MROH1: variants seen among roughly 807,000 people sequenced by gnomAD.
MROH1 encodes maestro heat-like repeat-containing protein family member 1.
In MROH1, 117 loss-of-function variants were observed where a neutral mutation model predicts 116.5. The observed-to-expected ratio is 1.00, with a 90% CI of 0.86 to 1.17. MROH1 has a LOEUF of 1.17. MROH1 is among the 50% of genes most tolerant of loss of function. The pLI, the probability that MROH1 is intolerant of heterozygous loss-of-function variation, is 0.00. For missense variants in MROH1, 1,873 were observed against 1,338.5 expected, an observed-to-expected ratio of 1.40 and a Z score of -6.23; for synonymous variants, 921 against 583.9, an observed-to-expected ratio of 1.58 and a Z score of -8.32.
intron 21 of MROH1, 37 bp downstream of exon 21, chr8:144,241,148 C>T: frequency 2.8e-6 from 2 of 727,088 alleles, no homozygotes; most frequent in Non-Finnish European, 5.1e-6. Context: ...CCAGACACCC[C>T]AGGGCTGGAG....
At chr8:144,253,016 T>C (rs1176490389) in intron 33 of MROH1, among the ~76,000 whole-genome samples, 3 of 149,310 alleles carry the variant, frequency 2.0e-5, no homozygotes, top group African/African-American at 7.4e-5. Flanking sequence ...TAGCTAGGCG[T>C]GGCAGCACGT....
intron 12 of MROH1, chr8:144,214,367 C>T (rs1834818174): frequency 6.6e-6 from 1 of 152,222 alleles, no homozygotes; most frequent in African/African-American, 2.4e-5. Context: ...ATTTACTGTC[C>T]AGTTGTCTTT....
chr8:144,258,782 C>T lies in MROH1; in HGVS notation c.3797C>T (p.Ala1266Val). Residue 1266 changes from alanine to valine, a missense_variant, in exon 36 of 44, where the codon GCA becomes GTA. By Grantham distance (64) the Ala-to-Val change is moderately conservative. Transcript: ENST00000326134. ...GCACCCTGGCAATCCTGCAGCTCTG[C>T]AGTGGACACCCTGCGGTCCATGCTA... is the stretch of plus-strand genomic sequence containing the variant. ...ATRNLEPCSS[A>V]VDTLRSMLLR... is the part of the protein sequence containing the mutation. The T allele has an allele frequency of 1.3e-6, 1 of 767,536 alleles. No homozygotes were observed. The highest frequency in any genetic ancestry group is 1.7e-5 in the Admixed American group (1 of 57,814). 47.5% of individuals were successfully genotyped at this position (767,536 alleles called of 1,614,324 possible). A position where few individuals can be genotyped will look rare whatever the true frequency, so the allele number is the denominator to read the frequency against.
rs1838371293 is a variant in MROH1, at chr8:144,229,252, C to T, written c.1338+6022C>T. On this transcript the variant is annotated intron_variant, in intron 14 of 43. Transcript: ENST00000326134. ...CATGTTGATTTTGTTGACCTCTTCCCATGAATCACAAATGCTCTTCATGGT... is the reference window on the plus strand; with the variant it reads ...CATGTTGATTTTGTTGACCTCTTCCTATGAATCACAAATGCTCTTCATGGT... Among the ~76,000 whole-genome samples the T allele has an allele frequency of 2.0e-5, 3 of 152,186 alleles. No homozygotes were observed. The South Asian group carries it at 6.2e-4, about 32-fold the overall frequency.
In MROH1 at chr8:144,247,427, G is replaced by A. The variant is rs950357991; in HGVS notation, c.2998G>A (p.Gly1000Ser). The A allele has an allele frequency of 2.1e-5, 16 of 770,856 alleles. No homozygotes were observed. The highest frequency in any genetic ancestry group is 3.4e-5 in the African/African-American group (2 of 59,048). 47.8% of individuals were successfully genotyped at this position (770,856 alleles called of 1,614,324 possible). Residue 1000 changes from glycine to serine, a missense_variant, in exon 30 of 44, where the codon GGC becomes AGC. Gly to Ser is a moderately conservative substitution (Grantham distance 56). Coordinates refer to ENST00000326134, the MANE Select transcript of MROH1 (RefSeq NM_032450.3). ...CTACTCCCTGCTGTACCTCCAGCTCGGCTATGAGGGTGAGCCCTCGTCAGG... is the reference window on the plus strand; with the variant it reads ...CTACTCCCTGCTGTACCTCCAGCTCAGCTATGAGGGTGAGCCCTCGTCAGG... ...CVYSLLYLQL[G>S]YEGFSRDYRD...
chr8:144,243,527 G>C lies in MROH1; in HGVS notation c.2386G>C (p.Val796Leu). The C allele has an allele frequency of 1.3e-6, 1 of 780,150 alleles. No homozygotes were observed. The allele number at this position is 780,150 out of a possible 1,614,324, so 48.3% of individuals were successfully genotyped here. A position where few individuals can be genotyped will look rare whatever the true frequency, so the allele number is the denominator to read the frequency against. Reference sequence around the variant, plus strand: ...CCTGAAGCTGTGCCTTGTCCAGAGTGTGTGCATGGTCAGCCGCGCCATCTG... The same window carrying C: ...CCTGAAGCTGTGCCTTGTCCAGAGTCTGTGCATGGTCAGCCGCGCCATCTG... The part of the protein sequence containing the change: ...PALKLCLVQS[V>L]CMVSRAICSS... The change falls in exon 25 of 44, where the codon GTG (valine) becomes CTG (leucine). Residue 796 changes from valine to leucine, a missense_variant. Physicochemically the swap from Val to Leu is conservative, Grantham distance 32 (BLOSUM62 1). Transcript: ENST00000326134.
chr8:144,182,647 G>A lies in MROH1; in HGVS notation c.562+2124G>A, dbSNP rs1258929023. Among the ~76,000 whole-genome samples the A allele has an allele frequency of 6.6e-6, 1 of 152,018 alleles. No individual in the cohort carries two copies. The highest frequency in any genetic ancestry group is 1.5e-5 in the Non-Finnish European group (1 of 68,022). The stretch of plus-strand genomic sequence containing the variant: ...GTTGTGGAAATTTCCAGAAAATAGA[G>A]GAAAAAGGCAAAAATATGGAAAGTA... On this transcript the variant is annotated intron_variant, in intron 7 of 43. Transcript: ENST00000326134. This position sits in a 1 kb window ranked among gnomAD's most constrained non-coding sequence, Gnocchi z 4.1.
At chr8:144,227,713 G>C (rs1457012123) in intron 14 of MROH1, among the ~76,000 whole-genome samples, 1 of 152,108 alleles carries the variant, frequency 6.6e-6, no homozygotes, top group East Asian at 1.9e-4. Flanking sequence ...ACTTTGGGAG[G>C]CCAAGGCAGG....
chr8:144,162,255 CTGTA>C (rs530641310), intron 2 of MROH1, among the ~76,000 whole-genome samples: 70 of 149,690 alleles, frequency 4.7e-4, no homozygotes, highest in African/African-American at 1.5e-3. Context: ...CAGCTAATTT[CTGTA>C]TTTTTTTAGT....
rs1706041630 is a variant in MROH1 at position 144,248,981 on chromosome 8, C to T, written c.3225C>T (p.Val1075=). The T allele has an allele frequency of 1.5e-5, 11 of 734,174 alleles. No individual in the cohort carries two copies. The East Asian group carries it at 2.6e-4, about 17-fold the overall frequency. The allele number at this position is 734,174 out of a possible 1,614,324, so 45.5% of individuals were successfully genotyped here. ...AGAACTGCTCCCGAGCAGCTACCGTCATGATCAACTGCCTGCTGCAGGAGC... is the reference window on the plus strand; with the variant it reads ...AGAACTGCTCCCGAGCAGCTACCGTTATGATCAACTGCCTGCTGCAGGAGC... ...PEKNCSRAAT[V]MINCLLQERG... Residue 1075 remains valine (V), a synonymous_variant, in exon 32 of 44, where the codon GTC becomes GTT. Transcript: ENST00000326134.
At chr8:144,231,496 G>T (rs1425612672) in intron 14 of MROH1, among the ~76,000 whole-genome samples, 1 of 152,186 alleles carries the variant, frequency 6.6e-6, no homozygotes, top group Non-Finnish European at 1.5e-5. Context: ...TTTCATTATT[G>T]TTGTCTTTCA....
chr8:144,184,623 C>T (rs148206275), intron 7 of MROH1, among the ~76,000 whole-genome samples: 129 of 152,278 alleles, frequency 8.5e-4, no homozygotes, highest in African/African-American at 3.0e-3. Context: ...GTGTGGCAGC[C>T]GGTTGCAGAC....
intron 35 of MROH1, among the ~76,000 whole-genome samples, chr8:144,258,020 C>A (rs1844232373): frequency 6.6e-6 from 1 of 152,208 alleles, no homozygotes; most frequent in Non-Finnish European, 1.5e-5. Context: ...ACGCCCCACC[C>A]ACTGGCAGCC....
chr8:144,225,642 C>T (rs1837642373), intron 14 of MROH1, among the ~76,000 whole-genome samples: 1 of 152,032 alleles, frequency 6.6e-6, no homozygotes, highest in Non-Finnish European at 1.5e-5. Flanking sequence ...ACCTCTGCCT[C>T]CCAGGTTCAG....
At chr8:144,214,039 A>C (rs1311029327) in intron 12 of MROH1, 1 of 152,154 alleles carries the variant, frequency 6.6e-6, no homozygotes, top group African/African-American at 2.4e-5. Flanking sequence ...TTGGTCCTGC[A>C]GTGCCCTGCA....
At chr8:144,188,566 G>A (rs1244980876) in intron 7 of MROH1, among the ~76,000 whole-genome samples, 2 of 139,130 alleles carry the variant, frequency 1.4e-5, no homozygotes, top group East Asian at 2.3e-4. Flanking sequence ...TCCCGGATTC[G>A]AGTGATTCTC....
intron 33 of MROH1, chr8:144,251,297 C>G (rs1404976313): frequency 1.3e-5 from 2 of 152,388 alleles, no homozygotes; most frequent in East Asian, 3.8e-4. Flanking sequence ...TACTGTTGAC[C>G]TTTCTGTGTG....
In MROH1 at chr8:144,249,007, G is replaced by A; in HGVS notation, c.3251G>A (p.Arg1084Gln). 4 of 720,864 alleles carry A rather than the reference G, an allele frequency of 5.5e-6. No homozygotes were observed. The highest frequency in any genetic ancestry group is 2.9e-5 in the South Asian group (2 of 67,828). The allele number at this position is 720,864 out of a possible 1,614,324, so 44.7% of individuals were successfully genotyped here. The change falls in exon 32 of 44, where the codon CGG becomes CAG. Residue 1084 changes from arginine (R) to glutamine (Q), a missense_variant. Coordinates refer to ENST00000326134, the MANE Select transcript of MROH1 (RefSeq NM_032450.3). ...ATGATCAACTGCCTGCTGCAGGAGC[G>A]GGGCGGTGTGCTCCAGGAGAAGGTG... The part of the protein sequence containing the change: ...TVMINCLLQE[R>Q]GGVLQEKVPE...
chr8:144,159,402 A>G (rs1033180404), intron 1 of MROH1, among the ~76,000 whole-genome samples: 1 of 152,186 alleles, frequency 6.6e-6, no homozygotes, highest in Non-Finnish European at 1.5e-5. Context: ...CTATACTGCA[A>G]TTTAGATTGG....
Sources: allele counts gnomAD v4.1 joint callset (sites outside exome capture counted in the v4.1 genomes callset), GRCh38; gene constraint gnomAD v4.1.1; non-coding constraint Gnocchi (gnomAD v3.1); transcripts MANE v1.5; gene names NCBI Gene and HGNC (gene_info 2026-07-23, HGNC 2026-07-21).